The following VWC2L variants were observed in gnomAD, a reference collection of about 807,000 sequenced individuals.
VWC2L encodes the protein von Willebrand factor C domain containing 2 like.
In VWC2L, 10 loss-of-function variants were observed where a neutral mutation model predicts 21.6. The observed-to-expected ratio is 0.46, with a 90% confidence interval of 0.29 to 0.78. The LOEUF (loss-of-function observed/expected upper bound fraction) is 0.78, where lower values mean the gene tolerates loss of function less well. Among genes scored for constraint, VWC2L ranks in the 30% least tolerant of loss-of-function variants. The pLI, the probability that VWC2L is intolerant of heterozygous loss-of-function variation, is 0.10. For missense variants in VWC2L, 209 were observed against 277.1 expected, an observed-to-expected ratio of 0.75 and a Z score of 1.74; for synonymous variants, 96 against 94.3, an observed-to-expected ratio of 1.02 and a Z score of -0.10.
intron 2 of VWC2L, among the ~76,000 whole-genome samples, chr2:214,433,644 G>A (rs892965476): frequency 6.6e-6 from 1 of 152,164 alleles, no homozygotes. Context: ...GTTTTACACT[G>A]TAAATGGGAA....
At chr2:214,568,466 A>C (rs565124625) in intron 3 of VWC2L, among the ~76,000 whole-genome samples, 1 of 152,320 alleles carries the variant, frequency 6.6e-6, no homozygotes, top group African/African-American at 2.4e-5. Flanking sequence ...AGACTAGGTA[A>C]TGTAAAAAGG....
Position 214,575,725 on chromosome 2 carries a change from G to C in VWC2L, c.574G>C (p.Val192Leu). 2 of 1,613,564 alleles carry C rather than the reference G, an allele frequency of 1.2e-6. No individual in the cohort carries two copies. Among genetic ancestry groups the C allele is most frequent in the Non-Finnish European group, 1.7e-6 (2 of 1,179,544 alleles). Reference protein sequence around the residue: ...TIIPAGIEVKVDECNICHCHN... With the variant: ...TIIPAGIEVKLDECNICHCHN... ...AATTCCAGCTGGCATTGAAGTGAAA[G>C]TGGACGAATGTAACATCTGTCATTG... Residue 192 changes from valine (V) to leucine (L), a missense_variant, in exon 4 of 4, where the codon GTG (valine) becomes CTG (leucine). By Grantham distance (32) the Val-to-Leu change is conservative. Transcript: ENST00000312504.
At chr2:214,509,465 TAA>T (rs67599157) in intron 3 of VWC2L, among the ~76,000 whole-genome samples, 117,778 of 150,648 alleles carry the variant, frequency 0.78, 47,820 homozygotes, top group East Asian at 0.99. Context: ...CTTTGCTACT[TAA>T]AAAAAAAAAA....
chr2:214,485,850 G>T (rs1221869118), intron 3 of VWC2L, among the ~76,000 whole-genome samples: 1 of 152,106 alleles, frequency 6.6e-6, no homozygotes, highest in Non-Finnish European at 1.5e-5. Context: ...GAAGTAAATT[G>T]CAAAGAAATA....
chr2:214,479,590 A>C (rs763243115), intron 3 of VWC2L, among the ~76,000 whole-genome samples: 1 of 152,146 alleles, frequency 6.6e-6, no homozygotes, highest in South Asian at 2.1e-4. Context: ...GGATCACCTG[A>C]GGTCAAGCGT....
rs147131686 is a variant in VWC2L, at chr2:214,514,639, T to C, written c.521-61033T>C. 2.0e-5 allele frequency among the ~76,000 whole-genome samples: 3 copies of C among 152,304 alleles called. No homozygotes were observed. The East Asian group carries it at 5.8e-4, about 29-fold the overall frequency. On this transcript the variant is annotated intron_variant, in intron 3 of 3. Transcript: ENST00000312504. Reference sequence around the variant, plus strand: ...TTTGCAATCCTGTGTCCTACAACAATAGGATATTAAGTGCCTATAGCACTT... The same window carrying C: ...TTTGCAATCCTGTGTCCTACAACAACAGGATATTAAGTGCCTATAGCACTT...
At chr2:214,542,198 A>C (rs1220758215) in intron 3 of VWC2L, among the ~76,000 whole-genome samples, 1 of 152,158 alleles carries the variant, frequency 6.6e-6, no homozygotes, top group Non-Finnish European at 1.5e-5. Context: ...TTGGGAAAAC[A>C]AGCTATGCTC....
At position 214,468,023 on chromosome 2, in the gene VWC2L, G is replaced by C. The variant is rs188764913; in HGVS notation, c.520+31265G>C. 3.0e-3 allele frequency among the ~76,000 whole-genome samples: 455 copies of C among 151,866 alleles called. 3 individuals carry two copies. Among genetic ancestry groups the C allele is most frequent in the African/African-American group, 0.01 (433 of 41,436 alleles). On this transcript the variant is annotated intron_variant, in intron 3 of 3. Coordinates refer to ENST00000312504, the MANE Select transcript of VWC2L (RefSeq NM_001080500.4). ...ATAATAATATATTATGAGGTTTTACGTCTTTTTTTTTTGAGACAGAGTCTC... is the reference window on the plus strand; with the variant it reads ...ATAATAATATATTATGAGGTTTTACCTCTTTTTTTTTTGAGACAGAGTCTC...
intron 3 of VWC2L, among the ~76,000 whole-genome samples, chr2:214,561,875 A>G (rs1443611031): frequency 1.3e-5 from 2 of 150,176 alleles, no homozygotes; most frequent in African/African-American, 2.5e-5. Context: ...TCTAAATTTA[A>G]TATATCAAAA....
Position 214,451,314 on chromosome 2 carries a change from G to C in VWC2L, c.520+14556G>C, listed in dbSNP as rs58674657. Among the ~76,000 whole-genome samples the C allele has an allele frequency of 5.2e-4, 73 of 140,398 alleles. 1 individual carries two copies. Among genetic ancestry groups the C allele is most frequent in the African/African-American group, 1.8e-3 (66 of 36,162 alleles). 92.1% of individuals were successfully genotyped at this position (140,398 alleles called of 152,430 possible). A position where few individuals can be genotyped will look rare whatever the true frequency, so the allele number is the denominator to read the frequency against. On this transcript the variant is annotated intron_variant, in intron 3 of 3. Transcript: ENST00000312504. The stretch of plus-strand genomic sequence containing the variant: ...AAGGATAAGTGGGTCGGTGTGGGGG[G>C]GGGGGGCAGTAAAAGCTGAAATAAT...
In VWC2L at chr2:214,578,753, A is replaced by T. The variant is rs866903893; in HGVS notation, c.*2933A>T. 10 of 152,044 alleles carry T rather than the reference A, an allele frequency of 6.6e-5. No individual in the cohort carries two copies. Among genetic ancestry groups the T allele is most frequent in the African/African-American group, 2.4e-4 (10 of 41,408 alleles). The allele number at this position is 152,044 out of a possible 1,614,324, so 9.4% of individuals were successfully genotyped here. On this transcript the variant is annotated 3_prime_UTR_variant, in exon 4 of 4. Transcript: ENST00000312504. ...TTGGTTCTCGGCTTTAACAACAGCT[A>T]TGTTAAAATAAGGGATCAACATCTT...
chr2:214,436,651 G>A lies in VWC2L; in HGVS notation c.413G>A (p.Arg138His). The A allele has an allele frequency of 2.5e-6, 4 of 1,613,300 alleles. No homozygotes were observed. The highest frequency in any genetic ancestry group is 3.4e-6 in the Non-Finnish European group (4 of 1,179,388). The change falls in exon 3 of 4, where the codon CGC becomes CAC. Residue 138 changes from arginine to histidine, a missense_variant. Arg to His is a conservative substitution (Grantham distance 29). Coordinates refer to ENST00000312504, the MANE Select transcript of VWC2L (RefSeq NM_001080500.4). ...TAGCCCTCTCCATGTGAATGGTGTC[G>A]CTGTGAGCCCAGCAATGAAGTTCAC... ...EFKPSPCEWC[R>H]CEPSNEVHCV...
intron 2 of VWC2L, among the ~76,000 whole-genome samples, chr2:214,417,979 C>T (rs1702381407): frequency 6.6e-6 from 1 of 152,164 alleles, no homozygotes; most frequent in Non-Finnish European, 1.5e-5. Context: ...TTCTACTCAT[C>T]AACCTCTCCA....
In VWC2L at chr2:214,470,916, C is replaced by CAAAAAAAAAAAAAAAAAA. The variant is rs56041924; in HGVS notation, c.520+34168_520+34185dup. Among the ~76,000 whole-genome samples the CAAAAAAAAAAAAAAAAAA allele has an allele frequency of 9.6e-4, 49 of 50,798 alleles. 3 individuals carry two copies. The highest frequency in any genetic ancestry group is 4.7e-3 in the African/African-American group (47 of 9,970). 33.3% of individuals were successfully genotyped at this position (50,798 alleles called of 152,430 possible). A position where few individuals can be genotyped will look rare whatever the true frequency, so the allele number is the denominator to read the frequency against. On this transcript the variant is annotated intron_variant, in intron 3 of 3. Transcript: ENST00000312504. The stretch of plus-strand genomic sequence containing the variant: ...TGGGCAACAGAGTGAAACTCCATCT[C>CAAAAAAAAAAAAAAAAAA]AAAAAAAAAAAAAAAAAAAAAAAAA...
intron 2 of VWC2L, among the ~76,000 whole-genome samples, chr2:214,427,645 AC>A (rs1355661040): frequency 1.3e-5 from 2 of 152,222 alleles, no homozygotes; most frequent in African/African-American, 4.8e-5. Context: ...GTATACACAC[AC>A]AGAGGATTGG....
chr2:214,422,300 T>TGC (rs58646375), intron 2 of VWC2L, among the ~76,000 whole-genome samples: 1 of 35,908 alleles, frequency 2.8e-5, no homozygotes, highest in African/African-American at 1.2e-4. Context: ...TGCATTAATT[T>TGC]GTGTGTGTGT....
intron 2 of VWC2L, among the ~76,000 whole-genome samples, chr2:214,415,584 C>G (rs559689287): frequency 6.6e-6 from 1 of 152,248 alleles, no homozygotes; most frequent in East Asian, 1.9e-4. Flanking sequence ...CCCAACTTCT[C>G]TCACCACAAG....
intron 3 of VWC2L, among the ~76,000 whole-genome samples, chr2:214,454,690 GC>G (rs1404678484): frequency 7.7e-6 from 1 of 129,966 alleles, no homozygotes; most frequent in African/African-American, 2.9e-5. Context: ...TGCAAGCTCT[GC>G]CTCCCAGGTT....
At position 214,414,559 on chromosome 2, in the gene VWC2L, T is replaced by A; in HGVS notation, c.366T>A (p.Asn122Lys). The A allele has an allele frequency of 6.2e-7, 1 of 1,612,666 alleles. No homozygotes were observed. Among genetic ancestry groups the A allele is most frequent in the Non-Finnish European group, 8.5e-7 (1 of 1,179,502 alleles). Residue 122 changes from asparagine to lysine, a missense_variant, in exon 2 of 4, where the codon AAT becomes AAA. Asn to Lys is a moderately conservative substitution (Grantham distance 94). Coordinates refer to ENST00000312504, the MANE Select transcript of VWC2L (RefSeq NM_001080500.4). ...ACTTCTGTGAATATCACGGGAAAAA[T>A]TACAAAATCTTGGAGGAATTTAAGG... ...VKNFCEYHGK[N>K]YKILEEFKPS...
Sources: gnomAD v4.1 joint callset for allele counts (sites outside exome capture counted in the v4.1 genomes callset) on GRCh38, gnomAD v4.1.1 for gene constraint, MANE v1.5 for transcripts, NCBI Gene and HGNC (gene_info 2026-07-23, HGNC 2026-07-21) for gene names.